Variants in TMEM202 observed in about 807,000 individuals in gnomAD.
The protein encoded by TMEM202 is transmembrane protein 202.
TMEM202 carries 25 observed loss-of-function variants against 26.1 expected under a neutral mutation model. That is an observed-to-expected ratio of 0.96 (90% CI 0.70 to 1.34). The LOEUF (loss-of-function observed/expected upper bound fraction) is 1.34. Among genes scored for constraint, TMEM202 ranks in the 40% most tolerant of loss-of-function variants. The pLI is 0.00. For missense variants in TMEM202, 301 were observed against 327.7 expected, an observed-to-expected ratio of 0.92 and a Z score of 0.63; for synonymous variants, 122 against 119.0, an observed-to-expected ratio of 1.02 and a Z score of -0.16.
intron 2 of TMEM202, among the ~76,000 whole-genome samples, chr15:72,400,203 G>T (rs1001313847): frequency 6.6e-6 from 1 of 152,136 alleles, no homozygotes. Flanking sequence ...AAATAAATAA[G>T]TTCTTTTTGA....
At chr15:72,400,597 A>G (rs1366263916) in intron 2 of TMEM202, among the ~76,000 whole-genome samples, 2 of 152,178 alleles carry the variant, frequency 1.3e-5, no homozygotes. Context: ...TTCATCCTTA[A>G]GATTATTATT....
At chr15:72,407,387 C>G (rs2063577614) in intron 4 of TMEM202, among the ~76,000 whole-genome samples, 170 bp downstream of exon 4, 1 of 152,064 alleles carries the variant, frequency 6.6e-6, no homozygotes, top group African/African-American at 2.4e-5. Flanking sequence ...AGTCTGAAAA[C>G]CTAGCATTAG....
At chr15:72,404,356 A>G (rs1035870091) in intron 2 of TMEM202, among the ~76,000 whole-genome samples, 13 of 152,262 alleles carry the variant, frequency 8.5e-5, no homozygotes, top group African/African-American at 2.9e-4. Flanking sequence ...TGGAGGCTGC[A>G]GTGAGTAGAG....
chr15:72,398,800 C>G lies in TMEM202; in HGVS notation c.229C>G (p.Leu77Val). ...CCTAATGCTGATCGCCATGTCCCCA[C>G]TGAACTGGGTACAGTTTCTGGTGAT... ...SLLMLIAMSP[L>V]NWVQFLVIKN... Residue 77 changes from leucine (L) to valine (V), a missense_variant, in exon 2 of 5, where the codon CTG becomes GTG. Coordinates refer to ENST00000341689, the MANE Select transcript of TMEM202 (RefSeq NM_001080462.3). 1 of 1,614,206 alleles carries G rather than the reference C, an allele frequency of 6.2e-7. No homozygotes were observed. Among genetic ancestry groups the G allele is most frequent in the Non-Finnish European group, 8.5e-7 (1 of 1,180,038 alleles).
intron 2 of TMEM202, among the ~76,000 whole-genome samples, chr15:72,401,764 G>T (rs760966753): frequency 2.0e-5 from 3 of 152,042 alleles, no homozygotes; most frequent in Non-Finnish European, 2.9e-5. Context: ...AAAGTCAACT[G>T]AATCCTTAAG....
intron 4 of TMEM202, 30 bp from the exon 5 acceptor site, chr15:72,407,661 A>T: frequency 6.4e-7 from 1 of 1,568,636 alleles, no homozygotes; most frequent in Non-Finnish European, 8.8e-7. Flanking sequence ...TGCCTATTGA[A>T]CCTCACCTCA....
rs1345898863 is a variant in TMEM202 at position 72,404,936 on chromosome 15, T to A, written c.338-1666T>A. ...TCTGGCTGGCTACATATACTGCTAA[T>A]TCTGCATAACCCAGTCTTCAGAAAA... On this transcript the variant is annotated intron_variant, in intron 2 of 4. Transcript: ENST00000341689. Among the ~76,000 whole-genome samples, 3 of 152,228 alleles carry A rather than the reference T, an allele frequency of 2.0e-5. No homozygotes were observed. In the East Asian group the frequency reaches 5.8e-4, roughly 29 times the overall value.
chr15:72,398,440 A>G (rs1394579124), intron 1 of TMEM202, 33 bp downstream of exon 1: 1 of 1,568,618 alleles, frequency 6.4e-7, no homozygotes, highest in Non-Finnish European at 8.7e-7. Context: ...GTCAGATGGG[A>G]AGAAGAGAAC....
At position 72,407,653 on chromosome 15, in the gene TMEM202, C is replaced by T. The variant is rs375072653; in HGVS notation, c.620-38C>T. 4.4e-6 allele frequency: 7 copies of T among 1,578,694 alleles called. No homozygotes were observed. In the Admixed American group the frequency reaches 1.0e-4, roughly 23 times the overall value. On this transcript the variant is annotated intron_variant, in intron 4 of 4. Transcript: ENST00000341689. ...AATTTTAAAAGCCAAAAGACCATTG[C>T]CTATTGAACCTCACCTCAAATTATT...
Position 72,407,078 on chromosome 15 carries a change from G to T in TMEM202, c.488-8G>T. 3 of 1,611,432 alleles carry T rather than the reference G, an allele frequency of 1.9e-6. No homozygotes were observed. The highest frequency in any genetic ancestry group is 2.5e-6 in the Non-Finnish European group (3 of 1,179,526). ...GATGGGTTGTGACATCTTTCCTTCT[G>T]GTCCTAGCTACCTGCTTGCTCCTCT... On this transcript the variant is annotated splice_region_variant and splice_polypyrimidine_tract_variant and intron_variant, in intron 3 of 4. Coordinates refer to ENST00000341689, the MANE Select transcript of TMEM202 (RefSeq NM_001080462.3).
At chr15:72,406,773 G>T in intron 3 of TMEM202, 22 bp downstream of exon 3, 1 of 1,609,300 alleles carries the variant, frequency 6.2e-7, no homozygotes, top group Non-Finnish European at 8.5e-7. Flanking sequence ...GACTGGCAGG[G>T]TATTTTACCA....
At chr15:72,405,713 C>T (rs542149265) in intron 2 of TMEM202, among the ~76,000 whole-genome samples, 4 of 152,172 alleles carry the variant, frequency 2.6e-5, no homozygotes, top group South Asian at 2.1e-4. Flanking sequence ...TGAGGCTGGG[C>T]GAGGTGGCTC....
rs139968172 is a variant in TMEM202, at chr15:72,402,927, G to A, written c.338-3675G>A. Among the ~76,000 whole-genome samples, 177 of 152,230 alleles carry A rather than the reference G, an allele frequency of 1.2e-3. 3 individuals carry two copies. The highest frequency in any genetic ancestry group is 1.5e-3 in the Non-Finnish European group (100 of 68,028). ...TCCATTCCAAAACCACCCACTTGGG[G>A]CACCTCATCTGAGCCTGGAGAAGTT... On this transcript the variant is annotated intron_variant, in intron 2 of 4. Coordinates refer to ENST00000341689, the MANE Select transcript of TMEM202 (RefSeq NM_001080462.3).
At chr15:72,401,925 A>G (rs750289209) in intron 2 of TMEM202, among the ~76,000 whole-genome samples, 4 of 152,284 alleles carry the variant, frequency 2.6e-5, no homozygotes, top group Middle Eastern at 6.8e-3. Context: ...CCCTGTGACA[A>G]TATAATGTTA....
At chr15:72,404,336 GTCTGGGAGTTGGAGGC>G (rs1172684572) in intron 2 of TMEM202, among the ~76,000 whole-genome samples, 1 of 152,080 alleles carries the variant, frequency 6.6e-6, no homozygotes, top group Non-Finnish European at 1.5e-5. Flanking sequence ...GATAGCTTGA[GTCTGGGAGTTGGAGGC>G]TGCAGTGAGT....
At chr15:72,399,041 C>A (rs553000405) in intron 2 of TMEM202, 133 bp downstream of exon 2, 3 of 1,043,536 alleles carry the variant, frequency 2.9e-6, no homozygotes, top group African/African-American at 1.6e-5. Flanking sequence ...ATGGATCTTT[C>A]TTTGGTATCC....
Position 72,406,998 on chromosome 15 carries a change from T to C in TMEM202, c.488-88T>C, listed in dbSNP as rs2063575134. On this transcript the variant is annotated intron_variant, in intron 3 of 4. Coordinates refer to ENST00000341689, the MANE Select transcript of TMEM202 (RefSeq NM_001080462.3). ...ATCTTTTTGATCCTCGCTATACATA[T>C]GGCCTCTGGAGGCCAAAGAGCTGGG... 3.2e-6 allele frequency: 5 copies of C among 1,541,734 alleles called. No homozygotes were observed. The East Asian group carries it at 9.0e-5, about 28-fold the overall frequency.
In TMEM202 at chr15:72,405,817, G is replaced by A. The variant is rs1017182822; in HGVS notation, c.338-785G>A. On this transcript the variant is annotated intron_variant, in intron 2 of 4. Transcript: ENST00000341689. The stretch of plus-strand genomic sequence containing the variant: ...AGCCTGGCCAACATGGTGAAACCCT[G>A]TTTCTACTAAAAAAAAACAAAAATT... Among the ~76,000 whole-genome samples the A allele has an allele frequency of 5.9e-5, 9 of 152,110 alleles. No individual in the cohort carries two copies. The East Asian group carries it at 1.7e-3, about 29-fold the overall frequency.
In TMEM202 at chr15:72,407,122, C is replaced by T. The variant is rs370648223; in HGVS notation, c.524C>T (p.Ala175Val). Reference sequence around the variant, plus strand: ...CTCCTCTGCCTCAACCTGTTTGTGGCACAGGTTCACTGGCATACTAGGGAT... The same window carrying T: ...CTCCTCTGCCTCAACCTGTTTGTGGTACAGGTTCACTGGCATACTAGGGAT... ...CLLLCLNLFV[A>V]QVHWHTRDAM... The change falls in exon 4 of 5, where the codon GCA becomes GTA. Residue 175 changes from alanine to valine, a missense_variant. Physicochemically the swap from Ala to Val is moderately conservative, Grantham distance 64. Transcript: ENST00000341689. 1.2e-6 allele frequency: 2 copies of T among 1,612,936 alleles called. No individual in the cohort carries two copies. The highest frequency in any genetic ancestry group is 1.3e-5 in the African/African-American group (1 of 74,980).
Sources: allele counts gnomAD v4.1 joint callset (sites outside exome capture counted in the v4.1 genomes callset), GRCh38; gene constraint gnomAD v4.1.1; transcripts MANE v1.5; gene names NCBI Gene and HGNC (gene_info 2026-07-23, HGNC 2026-07-21).